UGP2: variants seen among roughly 807,000 people sequenced by gnomAD.
UGP2 encodes UDP-glucose pyrophosphorylase 2, also known as UTP--glucose-1-phosphate uridylyltransferase.
Under a neutral mutation model 49.0 loss-of-function variants are expected in UGP2, and 40 were observed. The observed-to-expected ratio is 0.82, with a 90% CI of 0.63 to 1.06. The LOEUF (loss-of-function observed/expected upper bound fraction) is 1.06, where lower values mean the gene tolerates loss of function less well. Among genes scored for constraint, UGP2 ranks in the 50% least tolerant of loss-of-function variants. The pLI is 0.00. For synonymous variants in UGP2, 225 were observed against 213.0 expected, an observed-to-expected ratio of 1.06 and a Z score of -0.49; for missense variants, 460 against 603.5, an observed-to-expected ratio of 0.76 and a Z score of 2.49.
chr2:63,879,889 ACTAAAAATTTTAC>A (rs961996582), intron 3 of UGP2, among the ~76,000 whole-genome samples: 1 of 152,198 alleles, frequency 6.6e-6, no homozygotes, highest in Non-Finnish European at 1.5e-5. Flanking sequence ...CTGTCTCTGA[ACTAAAAATTTTAC>A]CTAAAATGAA....
At chr2:63,862,923 A>G (rs911446601) in intron 3 of UGP2, 1 of 452,182 alleles carries the variant, frequency 2.2e-6, no homozygotes, top group Non-Finnish European at 4.4e-6. Context: ...ATTGTGACGT[A>G]AGCAGGTTGG....
intron 3 of UGP2, among the ~76,000 whole-genome samples, chr2:63,863,374 A>G (rs969914557): frequency 6.6e-6 from 1 of 152,086 alleles, no homozygotes; most frequent in Non-Finnish European, 1.5e-5. Flanking sequence ...TTTTCTGCCA[A>G]TTCTTTTATT....
chr2:63,880,691 A>G (rs989548949), intron 3 of UGP2, among the ~76,000 whole-genome samples: 1 of 152,172 alleles, frequency 6.6e-6, no homozygotes, highest in Admixed American at 6.5e-5. Flanking sequence ...AAGGATTGTC[A>G]ACTCTGCAGG....
In UGP2 at chr2:63,857,880, C is replaced by T. The variant is rs1335389015; in HGVS notation, c.199C>T (p.Gln67Ter). 1 of 1,613,988 alleles carries T rather than the reference C, an allele frequency of 6.2e-7. No homozygotes were observed. Among genetic ancestry groups the T allele is most frequent in the Non-Finnish European group, 8.5e-7 (1 of 1,179,942 alleles). Residue 67 changes from glutamine to a stop codon, truncating the protein, a stop_gained, in exon 3 of 10, where the codon CAA becomes TAA. Coordinates refer to ENST00000337130, the MANE Select transcript of UGP2 (RefSeq NM_006759.4). LOFTEE classifies it high-confidence loss of function. Reference protein sequence around the residue: ...GFRKLFHRFLQEKGPSVDWGK... With the variant: ...GFRKLFHRFL ...TCGGAAGCTATTTCATAGATTTTTG[C>T]AAGAAAAGGGGCCTTCTGTGGATTG...
chr2:63,856,480 C>G, intron 2 of UGP2, 47 bp downstream of exon 2: 1 of 1,417,798 alleles, frequency 7.1e-7, no homozygotes, highest in Non-Finnish European at 9.5e-7. Flanking sequence ...CTCCCTTCAT[C>G]TGTCTTCATG....
chr2:63,861,186 A>C (rs970947901), intron 3 of UGP2, among the ~76,000 whole-genome samples: 1 of 151,486 alleles, frequency 6.6e-6, no homozygotes, highest in East Asian at 1.9e-4. Flanking sequence ...ATAAAGGTTA[A>C]TGTTTTAAAT....
Position 63,868,314 on chromosome 2 carries a change from G to T in UGP2, c.255+10378G>T, listed in dbSNP as rs531251620. Among the ~76,000 whole-genome samples the T allele has an allele frequency of 7.9e-5, 12 of 152,320 alleles. No homozygotes were observed. The East Asian group carries it at 2.3e-3, about 29-fold the overall frequency. On this transcript the variant is annotated intron_variant, in intron 3 of 9. Transcript: ENST00000337130. The stretch of plus-strand genomic sequence containing the variant: ...AAAATTTGGGTGAAATTTTAGGAAG[G>T]ATGGTTGATGGCCATCATAGGATCT...
At chr2:63,849,936 A>G (rs1668931500) in intron 1 of UGP2, among the ~76,000 whole-genome samples, 1 of 152,200 alleles carries the variant, frequency 6.6e-6, no homozygotes, top group African/African-American at 2.4e-5. Context: ...CTACCGGATC[A>G]TTTTTTGGCT....
chr2:63,851,384 T>A (rs1225383894), intron 1 of UGP2, among the ~76,000 whole-genome samples: 1 of 152,162 alleles, frequency 6.6e-6, no homozygotes, highest in Non-Finnish European at 1.5e-5. Context: ...GTGTTTGATA[T>A]AATACAGAGA....
At chr2:63,870,738 C>T (rs942348173) in intron 3 of UGP2, among the ~76,000 whole-genome samples, 9 of 152,114 alleles carry the variant, frequency 5.9e-5, no homozygotes, top group African/African-American at 2.2e-4. Flanking sequence ...CTAACCTGTT[C>T]GTTTAAAGAT....
intron 3 of UGP2, among the ~76,000 whole-genome samples, chr2:63,866,231 A>G (rs1170437274): frequency 6.6e-6 from 1 of 152,248 alleles, no homozygotes; most frequent in Non-Finnish European, 1.5e-5. Context: ...TATTTAAGAA[A>G]GATGACACAC....
intron 3 of UGP2, among the ~76,000 whole-genome samples, chr2:63,879,627 C>G (rs764957719): frequency 1.1e-4 from 16 of 152,110 alleles, no homozygotes; most frequent in South Asian, 8.3e-4. Flanking sequence ...GGTGGTAAAA[C>G]TATAGAATGA....
intron 1 of UGP2, among the ~76,000 whole-genome samples, chr2:63,850,757 T>C (rs937070790): frequency 6.6e-6 from 1 of 152,206 alleles, no homozygotes; most frequent in South Asian, 2.1e-4. Context: ...CAGTCTATAC[T>C]TATCTTAACT....
intron 3 of UGP2, among the ~76,000 whole-genome samples, chr2:63,864,758 G>A (rs1481333538): frequency 6.6e-6 from 1 of 152,166 alleles, no homozygotes; most frequent in Non-Finnish European, 1.5e-5. Context: ...TCTTTGGGTA[G>A]AGTAGAGCAG....
At chr2:63,879,864 C>T (rs1262193709) in intron 3 of UGP2, among the ~76,000 whole-genome samples, 5 of 151,998 alleles carry the variant, frequency 3.3e-5, no homozygotes, top group Admixed American at 3.3e-4. Context: ...GTAGTCAAAA[C>T]ATAAATAGGT....
chr2:63,858,070 C>T (rs1669570799), intron 3 of UGP2, 134 bp downstream of exon 3: 2 of 760,166 alleles, frequency 2.6e-6, no homozygotes, highest in Non-Finnish European at 4.2e-6. Context: ...ATTCTCTGAC[C>T]CCTCATCCTG....
At position 63,842,005 on chromosome 2, in the gene UGP2, C is replaced by A; in HGVS notation, c.-181C>A. On this transcript the variant is annotated 5_prime_UTR_variant, in exon 1 of 10. Coordinates refer to ENST00000337130, the MANE Select transcript of UGP2 (RefSeq NM_006759.4). ...AATTGGGGAAGGAGTTTCTTTCTTTCTTTTCTTTTTTCTTGAGCCAGTTTT... is the reference window on the plus strand; with the variant it reads ...AATTGGGGAAGGAGTTTCTTTCTTTATTTTCTTTTTTCTTGAGCCAGTTTT... 1 of 687,918 alleles carries A rather than the reference C, an allele frequency of 1.5e-6. No individual in the cohort carries two copies. Among genetic ancestry groups the A allele is most frequent in the Non-Finnish European group, 2.1e-6 (1 of 469,088 alleles). The allele number at this position is 687,918 out of a possible 1,614,324, so 42.6% of individuals were successfully genotyped here. A position where few individuals can be genotyped will look rare whatever the true frequency, so the allele number is the denominator to read the frequency against.
At chr2:63,886,308 T>C (rs759885205) in intron 6 of UGP2, 33 bp from the exon 7 acceptor site, 7 of 1,604,374 alleles carry the variant, frequency 4.4e-6, no homozygotes, top group Non-Finnish European at 6.0e-6. Context: ...TTGAGACTGA[T>C]GTGGAGGCAC....
chr2:63,891,456 T>C lies in UGP2; in HGVS notation c.*229T>C, dbSNP rs1188287077. 1 of 335,422 alleles carries C rather than the reference T, an allele frequency of 3.0e-6. No homozygotes were observed. The highest frequency in any genetic ancestry group is 2.1e-5 in the African/African-American group (1 of 46,906). The allele number at this position is 335,422 out of a possible 1,614,324, so 20.8% of individuals were successfully genotyped here. On this transcript the variant is annotated 3_prime_UTR_variant, in exon 10 of 10. Transcript: ENST00000337130. ...AGTTAGTTCATCTTAAAGTGCAATA[T>C]TGTTTAATCTTAAAACTGGGCAACT...
Sources: gnomAD v4.1 joint callset for allele counts (sites outside exome capture counted in the v4.1 genomes callset) on GRCh38, gnomAD v4.1.1 for gene constraint, MANE v1.5 for transcripts, NCBI Gene and HGNC (gene_info 2026-07-23, HGNC 2026-07-21) for gene names.